The following NKAPD1 variants were observed in gnomAD, a reference collection of about 807,000 sequenced individuals.
NKAPD1 encodes the protein NKAP domain containing 1, also known as uncharacterized protein NKAPD1.
NKAPD1 carries 12 observed loss-of-function variants against 30.9 expected under a neutral mutation model. The ratio of observed to expected loss-of-function variants is 0.39; its 90% CI spans 0.25 to 0.63. The LOEUF is 0.63. Ranked by LOEUF, NKAPD1 falls within the 20% of genes least tolerant of loss-of-function variation. The pLI is 0.51. For missense variants in NKAPD1, 311 were observed against 344.5 expected (o/e 0.90, Z 0.77); for synonymous variants, 91 against 113.6 (o/e 0.80, Z 1.26).
rs1865497540 is a variant in NKAPD1, at chr11:112,083,127, C to T, written c.*155C>T. On this transcript the variant is annotated 3_prime_UTR_variant, in exon 6 of 6. Transcript: ENST00000393047. ...ACAGACGTCTTGTCTTCTATTTTGG[C>T]GTTAAGCTTGATCCCCTTTTCTTGT... is the stretch of plus-strand genomic sequence containing the variant. 5 of 694,626 alleles carry T rather than the reference C, an allele frequency of 7.2e-6. No individual in the cohort carries two copies. The highest frequency in any genetic ancestry group is 3.5e-5 in the Admixed American group (1 of 28,560). The allele number at this position is 694,626 out of a possible 1,614,324, so 43.0% of individuals were successfully genotyped here.
chr11:112,080,008 T>G (rs1406893246), intron 3 of NKAPD1, among the ~76,000 whole-genome samples: 1 of 151,996 alleles, frequency 6.6e-6, no homozygotes, highest in Non-Finnish European at 1.5e-5. Flanking sequence ...AGAGACAGGG[T>G]TTCACCATGT....
rs748880447 is a variant in NKAPD1 at position 112,080,459 on chromosome 11, G to T, written c.221G>T (p.Arg74Met). ...FDEESQRYYW[R>M]PKNEISGTLE... ...GAAGAAAGTCAAAGATACTATTGGA[G>T]GCCAAAGAATGAAATTTCTGGGACA... The change falls in exon 4 of 6, where the codon AGG (arginine) becomes ATG (methionine). Residue 74 changes from arginine to methionine, a missense_variant. Physicochemically the swap from Arg to Met is moderately conservative, Grantham distance 91. Transcript: ENST00000393047. 1 of 1,613,966 alleles carries T rather than the reference G, an allele frequency of 6.2e-7. No individual in the cohort carries two copies. Among genetic ancestry groups the T allele is most frequent in the Non-Finnish European group, 8.5e-7 (1 of 1,179,988 alleles).
At chr11:112,080,310 T>TC in intron 3 of NKAPD1, 99 bp from the exon 4 acceptor site, 1 of 1,118,840 alleles carries the variant, frequency 8.9e-7, no homozygotes, top group Non-Finnish European at 1.3e-6. Flanking sequence ...GTTGTTTCCT[T>TC]CCCCCTCAGC....
intron 2 of NKAPD1, among the ~76,000 whole-genome samples, chr11:112,077,086 A>G (rs1249709875): frequency 5.3e-5 from 8 of 152,216 alleles, no homozygotes; most frequent in Non-Finnish European, 1.0e-4. Context: ...AAAGAGGGCC[A>G]AGGCCCCTGG....
At chr11:112,078,081 T>G in intron 2 of NKAPD1, 134 bp from the exon 3 acceptor site, 1 of 592,806 alleles carries the variant, frequency 1.7e-6, no homozygotes, top group South Asian at 2.0e-5. Flanking sequence ...CTTGACCTCA[T>G]GATCTGCCTG....
chr11:112,077,838 C>CTTTTTTTTTTTTTTTTT (rs779925830), intron 2 of NKAPD1, among the ~76,000 whole-genome samples: 1 of 139,716 alleles, frequency 7.2e-6, no homozygotes, highest in Admixed American at 7.2e-5. Context: ...CAGTTAGTTG[C>CTTTTTTTTTTTTTTTTT]TTTTTTTTTT....
chr11:112,085,070 G>A lies in NKAPD1; in HGVS notation c.*2098G>A, dbSNP rs1367274306. ...TAAAATGGGATTAAAAGAAGAGTTG[G>A]AGAATTCACACTTATTGAGTAACTG... On this transcript the variant is annotated 3_prime_UTR_variant, in exon 6 of 6. Coordinates refer to ENST00000393047, the MANE Select transcript of NKAPD1 (RefSeq NM_018195.4). 2.5e-6 allele frequency: 1 copy of A among 402,268 alleles called. No homozygotes were observed. Among genetic ancestry groups the A allele is most frequent in the Non-Finnish European group, 4.4e-6 (1 of 224,958 alleles). 24.9% of individuals were successfully genotyped at this position (402,268 alleles called of 1,614,324 possible). A position where few individuals can be genotyped will look rare whatever the true frequency, so the allele number is the denominator to read the frequency against.
chr11:112,082,567 A>T lies in NKAPD1; in HGVS notation c.477A>T (p.Lys159Asn). 6.2e-7 allele frequency: 1 copy of T among 1,613,278 alleles called. No homozygotes were observed. Among genetic ancestry groups the T allele is most frequent in the Non-Finnish European group, 8.5e-7 (1 of 1,179,920 alleles). ...ACAAGAAGTCAAAGAAATCCCACAA[A>T]AAAAAGCAGAAAAAAAGGTCACACA... ...RKHKKSKKSH[K>N]KKQKKRSHKK... is the part of the protein sequence containing the mutation. Residue 159 changes from lysine (K) to asparagine (N), a missense_variant, in exon 6 of 6, where the codon AAA becomes AAT. Physicochemically the swap from Lys to Asn is moderately conservative, Grantham distance 94. Coordinates refer to ENST00000393047, the MANE Select transcript of NKAPD1 (RefSeq NM_018195.4).
intron 3 of NKAPD1, among the ~76,000 whole-genome samples, chr11:112,079,609 G>A (rs1345148070): frequency 6.6e-6 from 1 of 152,110 alleles, no homozygotes; most frequent in African/African-American, 2.4e-5. Flanking sequence ...TAAGTTGCTG[G>A]TTTGCACAGA....
Position 112,083,902 on chromosome 11 carries a change from A to T in NKAPD1, c.*930A>T, listed in dbSNP as rs1414033386. The T allele has an allele frequency of 6.6e-6, 1 of 152,622 alleles. No individual in the cohort carries two copies. Among genetic ancestry groups the T allele is most frequent in the Non-Finnish European group, 1.5e-5 (1 of 68,032 alleles). 9.5% of individuals were successfully genotyped at this position (152,622 alleles called of 1,614,324 possible). A position where few individuals can be genotyped will look rare whatever the true frequency, so the allele number is the denominator to read the frequency against. On this transcript the variant is annotated 3_prime_UTR_variant, in exon 6 of 6. Coordinates refer to ENST00000393047, the MANE Select transcript of NKAPD1 (RefSeq NM_018195.4). ...AAAATGAAACAGGCTTCTCAGGGAC[A>T]TATCCACTTCTTCCCAGTCTGCCTT...
At chr11:112,076,967 A>G (rs1865342667) in intron 2 of NKAPD1, among the ~76,000 whole-genome samples, 2 of 152,216 alleles carry the variant, frequency 1.3e-5, no homozygotes, top group Non-Finnish European at 2.9e-5. Context: ...CTTGGAGTAG[A>G]GGAGAAAAGT....
Position 112,074,722 on chromosome 11 carries a change from A to G in NKAPD1, c.-203A>G, listed in dbSNP as rs1459483536. Reference sequence around the variant, plus strand: ...CTGCCTGTCGGTCTGGGCTGGGGGAAACGCGGCAGTGGCCTGGGCCACAGG... The same window carrying G: ...CTGCCTGTCGGTCTGGGCTGGGGGAGACGCGGCAGTGGCCTGGGCCACAGG... On this transcript the variant is annotated 5_prime_UTR_variant, in exon 1 of 6. Transcript: ENST00000393047. 5.2e-6 allele frequency: 2 copies of G among 382,118 alleles called. No individual in the cohort carries two copies. The highest frequency in any genetic ancestry group is 4.1e-5 in the African/African-American group (2 of 48,308). 23.7% of individuals were successfully genotyped at this position (382,118 alleles called of 1,614,324 possible).
At chr11:112,081,908 T>C in intron 4 of NKAPD1, 74 bp from the exon 5 acceptor site, 1 of 1,218,526 alleles carries the variant, frequency 8.2e-7, no homozygotes, top group Admixed American at 1.7e-5. Flanking sequence ...TACTCCAAAG[T>C]CTTTCTAATG....
At position 112,082,479 on chromosome 11, in the gene NKAPD1, A is replaced by T. The variant is rs201701818; in HGVS notation, c.389A>T (p.Asp130Val). 1.9e-6 allele frequency: 3 copies of T among 1,582,614 alleles called. No individual in the cohort carries two copies. In the Admixed American group the frequency reaches 6.0e-5, roughly 31 times the overall value. Residue 130 changes from aspartate to valine, a missense_variant, in exon 6 of 6, where the codon GAT (aspartate) becomes GTT (valine). By Grantham distance (152) the Asp-to-Val change is radical. Transcript: ENST00000393047. Reference sequence around the variant, plus strand: ...TTTCTTATTAGTAGTGATCAGCAAGATATTACCAACGGGAAGAAAACATCT... The same window carrying T: ...TTTCTTATTAGTAGTGATCAGCAAGTTATTACCAACGGGAAGAAAACATCT... ...EFETDSSDQQ[D>V]ITNGKKTSPQ...
Position 112,074,705 on chromosome 11 carries a change from C to T in NKAPD1, c.-220C>T. On this transcript the variant is annotated 5_prime_UTR_variant, in exon 1 of 6. Coordinates refer to ENST00000393047, the MANE Select transcript of NKAPD1 (RefSeq NM_018195.4). ...CAGTCCGGGAGAGAGATCTGCCTGTCGGTCTGGGCTGGGGGAAACGCGGCA... is the reference window on the plus strand; with the variant it reads ...CAGTCCGGGAGAGAGATCTGCCTGTTGGTCTGGGCTGGGGGAAACGCGGCA... 2 of 388,066 alleles carry T rather than the reference C, an allele frequency of 5.2e-6. No individual in the cohort carries two copies. Among genetic ancestry groups the T allele is most frequent in the Non-Finnish European group, 4.6e-6 (1 of 219,694 alleles). 24.0% of individuals were successfully genotyped at this position (388,066 alleles called of 1,614,324 possible).
At chr11:112,075,545 G>A (rs372800964) in intron 1 of NKAPD1, 22 bp from the exon 2 acceptor site, 65 of 1,546,650 alleles carry the variant, frequency 4.2e-5, no homozygotes, top group Non-Finnish European at 5.4e-5. Context: ...ATTACTAAAC[G>A]TTATTTGTTG....
At position 112,075,601 on chromosome 11, in the gene NKAPD1, C is replaced by T. The variant is rs753508432; in HGVS notation, c.27C>T (p.Val9=). The part of the protein sequence containing the change: MSRIPLGK[V]LLRNVIRHTD... The stretch of plus-strand genomic sequence containing the variant: ...TGTCCCGGATTCCACTGGGGAAGGT[C>T]CTCCTGAGGAATGTCATCCGGCACA... The change falls in exon 2 of 6, where the codon GTC becomes GTT. Residue 9 remains valine (V), a synonymous_variant. Coordinates refer to ENST00000393047, the MANE Select transcript of NKAPD1 (RefSeq NM_018195.4). 6.2e-7 allele frequency: 1 copy of T among 1,608,758 alleles called. No individual in the cohort carries two copies. The highest frequency in any genetic ancestry group is 1.3e-5 in the African/African-American group (1 of 74,558).
intron 1 of NKAPD1, among the ~76,000 whole-genome samples, chr11:112,075,204 A>T (rs879229269): frequency 2.0e-5 from 3 of 152,200 alleles, no homozygotes; most frequent in African/African-American, 7.2e-5. Context: ...TTTGCCTGGG[A>T]CTATGTGGCT....
chr11:112,082,322 A>C, intron 5 of NKAPD1, 143 bp from the exon 6 acceptor site: 1 of 788,754 alleles, frequency 1.3e-6, no homozygotes, highest in Non-Finnish European at 1.9e-6. Context: ...CTCAATGAGA[A>C]TATTAAAGTG....
Sources: gnomAD v4.1 joint callset for allele counts (sites outside exome capture counted in the v4.1 genomes callset) on GRCh38, gnomAD v4.1.1 for gene constraint, MANE v1.5 for transcripts, NCBI Gene and HGNC (gene_info 2026-07-23, HGNC 2026-07-21) for gene names.